MGAT4C: variants seen among roughly 807,000 people sequenced by gnomAD.
MGAT4C encodes the protein MGAT4 family member C.
In MGAT4C, 19 loss-of-function variants were observed where a neutral mutation model predicts 40.1. The ratio of observed to expected loss-of-function variants is 0.47; its 90% CI spans 0.33 to 0.70. The LOEUF is 0.70. MGAT4C is among the 30% of genes least tolerant of loss of function. The pLI, the probability that MGAT4C is intolerant of heterozygous loss-of-function variation, is 0.02. For missense variants in MGAT4C, 491 were observed against 563.2 expected (o/e 0.87, Z 1.30); for synonymous variants, 181 against 187.1 (o/e 0.97, Z 0.27).
chr12:86,811,931 A>C (rs1387786276), intron 1 of MGAT4C, among the ~76,000 whole-genome samples: 16 of 152,248 alleles, frequency 1.1e-4, no homozygotes, highest in Non-Finnish European at 1.9e-4. Context: ...AGTCCTTGTC[A>C]GCAATGTAAG....
chr12:86,508,448 C>A (rs1237613846), intron 2 of MGAT4C, among the ~76,000 whole-genome samples: 1 of 152,052 alleles, frequency 6.6e-6, no homozygotes, highest in Non-Finnish European at 1.5e-5. Context: ...TTTCTTAATC[C>A]AGTCTATCAT....
At position 85,975,228 on chromosome 12, in the gene MGAT4C, A is replaced by C. The variant is rs1382576312; in HGVS notation, c.*4061T>G. The C allele has an allele frequency of 2.0e-5, 3 of 151,054 alleles. No homozygotes were observed. Among genetic ancestry groups the C allele is most frequent in the Non-Finnish European group, 4.5e-5 (3 of 67,196 alleles). The allele number at this position is 151,054 out of a possible 1,614,324, so 9.4% of individuals were successfully genotyped here. ...GATATTCTCTGGACAAAATATGAAA[A>C]GGTAGGCTGAATAACATTTTTAAAG... On this transcript the variant is annotated 3_prime_UTR_variant, in exon 5 of 5. Transcript: ENST00000611864.
chr12:86,718,630 G>T (rs1260212050), intron 2 of MGAT4C, among the ~76,000 whole-genome samples: 1 of 152,082 alleles, frequency 6.6e-6, no homozygotes, highest in East Asian at 1.9e-4. Flanking sequence ...TGGTCTGCTA[G>T]GAACCAGGCT....
intron 1 of MGAT4C, among the ~76,000 whole-genome samples, chr12:86,832,414 G>GT: frequency 6.6e-6 from 1 of 151,522 alleles, no homozygotes; most frequent in East Asian, 1.9e-4. Flanking sequence ...TAAGTCTGAC[G>GT]TATTTATCCA....
At chr12:86,525,663 G>A (rs1291554132) in intron 2 of MGAT4C, among the ~76,000 whole-genome samples, 1 of 152,154 alleles carries the variant, frequency 6.6e-6, no homozygotes, top group Non-Finnish European at 1.5e-5. Flanking sequence ...TGTGGTATAA[G>A]GTGGATTCAG....
At chr12:86,081,191 T>G (rs893610434) in intron 1 of MGAT4C, among the ~76,000 whole-genome samples, 1 of 152,126 alleles carries the variant, frequency 6.6e-6, no homozygotes, top group African/African-American at 2.4e-5. Context: ...AAAAAGACAC[T>G]TGAACAGTTC....
intron 1 of MGAT4C, among the ~76,000 whole-genome samples, chr12:86,808,033 T>C (rs966208872): frequency 2.6e-5 from 4 of 151,932 alleles, no homozygotes; most frequent in African/African-American, 9.7e-5. Flanking sequence ...CCTTTTCTGA[T>C]GAACGGATAA....
At chr12:86,053,623 A>AC (rs1014882030) in intron 1 of MGAT4C, among the ~76,000 whole-genome samples, 3 of 152,034 alleles carry the variant, frequency 2.0e-5, no homozygotes, top group Non-Finnish European at 1.5e-5. Flanking sequence ...AGCAAGAGAA[A>AC]CAATGGATAA....
rs145648018 is a variant in MGAT4C at position 86,690,478 on chromosome 12, C to T, written c.-229+36731G>A. Among the ~76,000 whole-genome samples the T allele has an allele frequency of 2.1e-3, 324 of 152,168 alleles. 1 individual carries two copies. Among genetic ancestry groups the T allele is most frequent in the Middle Eastern group, 0.02 (6 of 294 alleles). ...AGAGAATCTCCTGGTCTGCTGGTGG[C>T]GAAAACCATGGGAAAAGCATAGTGT... On this transcript the variant is annotated intron_variant, in intron 2 of 7. Transcript: ENST00000548651.
At chr12:86,173,189 G>C (rs1293613139) in intron 1 of MGAT4C, among the ~76,000 whole-genome samples, 1 of 152,030 alleles carries the variant, frequency 6.6e-6, no homozygotes, top group Non-Finnish European at 1.5e-5. Context: ...AGAGCTTCCT[G>C]TTATCCCTCA....
At chr12:86,461,297 C>G (rs1033825087) in intron 2 of MGAT4C, among the ~76,000 whole-genome samples, 5 of 146,522 alleles carry the variant, frequency 3.4e-5, no homozygotes, top group Admixed American at 2.1e-4. Flanking sequence ...GGACTGCGGA[C>G]TGCAGTGGCG....
At chr12:85,995,466 T>A (rs746731247) in intron 2 of MGAT4C, among the ~76,000 whole-genome samples, 9 of 152,122 alleles carry the variant, frequency 5.9e-5, no homozygotes, top group Non-Finnish European at 1.3e-4. Flanking sequence ...GCCAAACAGT[T>A]CCTGAAGCTT....
intron 2 of MGAT4C, among the ~76,000 whole-genome samples, chr12:86,475,212 C>T (rs953541901): frequency 6.6e-6 from 1 of 151,866 alleles, no homozygotes; most frequent in African/African-American, 2.4e-5. Context: ...GGAAACTAAT[C>T]ACTAACTCAA....
At chr12:86,306,355 G>A (rs143650932) in intron 4 of MGAT4C, among the ~76,000 whole-genome samples, 1 of 150,408 alleles carries the variant, frequency 6.6e-6, no homozygotes, top group East Asian at 1.9e-4. Context: ...ATAAAAAACT[G>A]TTTAGCAATA....
At chr12:86,376,846 G>T (rs71438911) in intron 3 of MGAT4C, among the ~76,000 whole-genome samples, 1 of 59,522 alleles carries the variant, frequency 1.7e-5, no homozygotes, top group Non-Finnish European at 4.2e-5. Flanking sequence ...GAGAGAGACA[G>T]AGAGAGAGAG....
intron 1 of MGAT4C, among the ~76,000 whole-genome samples, chr12:86,091,787 C>G (rs563141288): frequency 3.9e-5 from 6 of 152,104 alleles, no homozygotes; most frequent in Non-Finnish European, 7.4e-5. Flanking sequence ...TGAAGTATAT[C>G]ATAACATCTC....
At chr12:86,285,531 T>C (rs911954608) in intron 4 of MGAT4C, among the ~76,000 whole-genome samples, 3 of 151,988 alleles carry the variant, frequency 2.0e-5, no homozygotes, top group Admixed American at 6.6e-5. Context: ...TTTCCAACTA[T>C]CAAATTTTGA....
At chr12:86,691,453 G>A (rs1028544831) in intron 2 of MGAT4C, among the ~76,000 whole-genome samples, 1 of 152,192 alleles carries the variant, frequency 6.6e-6, no homozygotes, top group Non-Finnish European at 1.5e-5. Context: ...ACGAGATAGA[G>A]AGAAGAAAAA....
intron 1 of MGAT4C, among the ~76,000 whole-genome samples, chr12:86,138,496 T>TATATATCATGTATATATTTCCATAG (rs1566037307): frequency 7.7e-6 from 1 of 129,880 alleles, no homozygotes; most frequent in Non-Finnish European, 1.8e-5. Context: ...TATTTCCATA[T>TATATATCATGTATATATTTCCATAG]ATATATCATG....
Sources: allele counts gnomAD v4.1 joint callset (sites outside exome capture counted in the v4.1 genomes callset), GRCh38; gene constraint gnomAD v4.1.1; transcripts MANE v1.5; gene names NCBI Gene and HGNC (gene_info 2026-07-23, HGNC 2026-07-21).